Variants in DOCK10 observed in about 807,000 individuals in gnomAD.
DOCK10 encodes dedicator of cytokinesis protein 10.
A neutral mutation model predicts 280.1 loss-of-function variants in DOCK10; 145 were observed. The observed-to-expected ratio is 0.52, with a 90% CI of 0.45 to 0.59. DOCK10 has a LOEUF of 0.59. Ranked by LOEUF, DOCK10 falls within the 20% of genes least tolerant of loss-of-function variation. DOCK10 has a pLI of 0.00. For synonymous variants in DOCK10, 915 were observed against 942.2 expected, an observed-to-expected ratio of 0.97 and a Z score of 0.53; for missense variants, 2,368 against 2,651.7, an observed-to-expected ratio of 0.89 and a Z score of 2.35.
chr2:224,775,493 TG>T (rs1167026107), intron 51 of DOCK10, among the ~76,000 whole-genome samples: 2 of 152,010 alleles, frequency 1.3e-5, no homozygotes, highest in Non-Finnish European at 2.9e-5. Context: ...TATTATTTTT[TG>T]AGACAGGGTC....
chr2:224,931,826 A>T (rs1702399723), intron 1 of DOCK10, among the ~76,000 whole-genome samples, 158 bp from the exon 2 acceptor site: 1 of 152,196 alleles, frequency 6.6e-6, no homozygotes, highest in Admixed American at 6.5e-5. Flanking sequence ...GCAAAGCCAC[A>T]CACCTATTAT....
At chr2:224,849,441 C>T (rs1341804851) in intron 19 of DOCK10, 66 bp downstream of exon 19, 16 of 1,183,252 alleles carry the variant, frequency 1.4e-5, no homozygotes, top group Middle Eastern at 2.0e-4. Context: ...TTTCACTGCA[C>T]GGTTATCTGA....
rs559972091 is a variant in DOCK10, at chr2:224,794,956, C to T, written c.5077G>A (p.Ala1693Thr). The T allele has an allele frequency of 3.0e-5, 48 of 1,613,882 alleles. No individual in the cohort carries two copies. In the South Asian group the frequency reaches 4.1e-4, roughly 14 times the overall value. The change falls in exon 45 of 56, where the codon GCA becomes ACA. Residue 1693 changes from alanine to threonine, a missense_variant. Transcript: ENST00000258390. ...DLQYSLANSY[A>T]STPELRRTWL... ...GTCCTGCGTAGTTCAGGAGTGCTTGCGTAGGAGTTTGCCAGGCTGTACTGG... is the reference window on the plus strand; with the variant it reads ...GTCCTGCGTAGTTCAGGAGTGCTTGTGTAGGAGTTTGCCAGGCTGTACTGG...
At chr2:224,913,234 C>A (rs1035994111) in intron 3 of DOCK10, among the ~76,000 whole-genome samples, 2 of 152,156 alleles carry the variant, frequency 1.3e-5, no homozygotes, top group African/African-American at 4.8e-5. Context: ...TTTCAAACAT[C>A]ATGTGATCGT....
chr2:224,782,767 T>C (rs1374331447), intron 50 of DOCK10, among the ~76,000 whole-genome samples: 2 of 152,200 alleles, frequency 1.3e-5, no homozygotes, highest in Non-Finnish European at 2.9e-5. Flanking sequence ...CCAAAGGCCT[T>C]TGTGCAGGCA....
chr2:224,796,977 C>T lies in DOCK10; in HGVS notation c.4814G>A (p.Arg1605Gln), dbSNP rs772726138. ...FEFNKQKSIV[R>Q]SHLQLIKAVS... ...GGCAGCACTTACTTGTAAGTGGGAC[C>T]GGACAATTGACTTCTGCTTGTTAAA... Residue 1605 changes from arginine to glutamine, a missense_variant, in exon 43 of 56, where the codon CGG becomes CAG. Around this residue, in one of 2 missense-constraint regions of DOCK10, gnomAD observed 1,159 missense variants for 1,400.8 expected, o/e 0.83. Transcript: ENST00000258390. The T allele has an allele frequency of 3.0e-5, 48 of 1,612,180 alleles. No individual in the cohort carries two copies. The highest frequency in any genetic ancestry group is 8.9e-5 in the East Asian group (4 of 44,856).
chr2:225,041,595 A>C (rs1247869467), intron 1 of DOCK10, among the ~76,000 whole-genome samples: 1 of 152,210 alleles, frequency 6.6e-6, no homozygotes, highest in Non-Finnish European at 1.5e-5. Flanking sequence ...GAAACATCTT[A>C]GAAAAATATC....
intron 1 of DOCK10, among the ~76,000 whole-genome samples, chr2:224,978,432 C>T (rs116735293): frequency 0.02 from 3,060 of 150,614 alleles, 92 homozygotes; most frequent in African/African-American, 0.07. Flanking sequence ...GACTCCGTCT[C>T]GGAAAAAAAA....
At chr2:224,989,861 T>C (rs1706080440) in intron 1 of DOCK10, among the ~76,000 whole-genome samples, 1 of 152,200 alleles carries the variant, frequency 6.6e-6, no homozygotes, top group Non-Finnish European at 1.5e-5. Flanking sequence ...ATTGTGATAG[T>C]AACCCCTGAT....
At chr2:225,038,565 G>A (rs2106146497) in intron 1 of DOCK10, among the ~76,000 whole-genome samples, 1 of 152,286 alleles carries the variant, frequency 6.6e-6, no homozygotes, top group East Asian at 1.9e-4. Context: ...CACTTTCTGG[G>A]TGGGTAGGAA....
intron 7 of DOCK10, among the ~76,000 whole-genome samples, chr2:224,877,504 A>ATTGGAATAGGTTCCTATTCTATTGGAAT (rs1553603743): frequency 6.6e-6 from 1 of 151,912 alleles, no homozygotes; most frequent in African/African-American, 2.4e-5. Context: ...TTCCTATTCC[A>ATTGGAATAGGTTCCTATTCTATTGGAAT]AGTTGACATT....
Position 224,845,563 on chromosome 2 carries a change from T to C in DOCK10, c.2315A>G (p.Asn772Ser), listed in dbSNP as rs1185669723. The change falls in exon 20 of 56, where the codon AAT (asparagine) becomes AGT (serine). Residue 772 changes from asparagine to serine, a missense_variant. By Grantham distance (46) the Asn-to-Ser change is conservative. Around this residue, in one of 2 missense-constraint regions of DOCK10, gnomAD observed 1,209 missense variants for 1,250.9 expected, o/e 0.97. Transcript: ENST00000258390. ...FSFYHVTCDI[N>S]AKANAKKKEA... is the part of the protein sequence containing the mutation. ...CTTCTTTTTGGCATTAGCTTTTGCA[T>C]TGATGTCACAGGTGACGTGATAAAA... 5.6e-6 allele frequency: 9 copies of C among 1,613,604 alleles called. No homozygotes were observed. Among genetic ancestry groups the C allele is most frequent in the African/African-American group, 1.3e-5 (1 of 75,040 alleles).
intron 7 of DOCK10, among the ~76,000 whole-genome samples, chr2:224,877,642 T>C (rs931495054): frequency 6.6e-6 from 1 of 152,138 alleles, no homozygotes; most frequent in Non-Finnish European, 1.5e-5. Flanking sequence ...GATTGGGTGG[T>C]CAGAAGCAGG....
chr2:224,787,499 G>A (rs989331444), intron 48 of DOCK10, 102 bp from the exon 49 acceptor site: 15 of 1,444,608 alleles, frequency 1.0e-5, no homozygotes, highest in Middle Eastern at 1.8e-4. Context: ...TTTTCCCTCT[G>A]TTACTGGCAT....
At chr2:224,822,033 C>G (rs920481865) in intron 28 of DOCK10, among the ~76,000 whole-genome samples, 1 of 152,094 alleles carries the variant, frequency 6.6e-6, no homozygotes, top group African/African-American at 2.4e-5. Flanking sequence ...TTAAAGCTCA[C>G]CAGTGACAAG....
intron 3 of DOCK10, among the ~76,000 whole-genome samples, chr2:224,916,097 A>G (rs541705523): frequency 2.0e-5 from 3 of 152,342 alleles, no homozygotes; most frequent in African/African-American, 7.2e-5. Context: ...CTGAGTTCAC[A>G]TGAGATCTGG....
At chr2:224,771,547 C>G in intron 53 of DOCK10, among the ~76,000 whole-genome samples, 1 of 152,182 alleles carries the variant, frequency 6.6e-6, no homozygotes, top group East Asian at 1.9e-4. Flanking sequence ...ATGCTCATGC[C>G]CATGGATGGC....
At chr2:225,032,630 C>CA (rs34702467) in intron 1 of DOCK10, among the ~76,000 whole-genome samples, 1 of 152,280 alleles carries the variant, frequency 6.6e-6, no homozygotes, top group African/African-American at 2.4e-5. Flanking sequence ...GCAGTATCTT[C>CA]AAAAAAGTTG....
intron 11 of DOCK10, among the ~76,000 whole-genome samples, 160 bp downstream of exon 11, chr2:224,873,836 G>T (rs1208649575): frequency 6.6e-6 from 1 of 152,072 alleles, no homozygotes; most frequent in Non-Finnish European, 1.5e-5. Context: ...TTTAGAACTT[G>T]TACACTTGTG....
Sources: allele counts gnomAD v4.1 joint callset (sites outside exome capture counted in the v4.1 genomes callset), GRCh38; gene constraint gnomAD v4.1.1; regional missense constraint gnomAD v4.1.1; transcripts MANE v1.5; gene names NCBI Gene and HGNC (gene_info 2026-07-23, HGNC 2026-07-21).